Variants in ASB15 observed in about 807,000 individuals in gnomAD.
ASB15 encodes the protein ankyrin repeat and SOCS box protein 15.
A neutral mutation model predicts 58.0 loss-of-function variants in ASB15; 54 were observed. That is an observed-to-expected ratio of 0.93 (90% CI 0.75 to 1.17). The LOEUF (loss-of-function observed/expected upper bound fraction) is 1.17, where lower values mean the gene tolerates loss of function less well. Ranked by LOEUF, ASB15 falls within the 50% of genes most tolerant of loss-of-function variation. The pLI, the probability that ASB15 is intolerant of heterozygous loss-of-function variation, is 0.00. For missense variants in ASB15, 680 were observed against 707.4 expected (o/e 0.96, Z 0.44); for synonymous variants, 249 against 262.4 (o/e 0.95, Z 0.50).
chr7:123,583,427 CAG>C (rs1799289180), intron 1 of ASB15, among the ~76,000 whole-genome samples: 1 of 151,856 alleles, frequency 6.6e-6, no homozygotes, highest in African/African-American at 2.4e-5. Flanking sequence ...TCTTCTCTGA[CAG>C]TGGGTAATAC....
At chr7:123,606,276 T>C (rs904470232) in intron 2 of ASB15, among the ~76,000 whole-genome samples, 4 of 152,198 alleles carry the variant, frequency 2.6e-5, no homozygotes, top group Non-Finnish European at 5.9e-5. Flanking sequence ...TTCAAATTTC[T>C]GCTCCTTCCC....
intron 1 of ASB15, among the ~76,000 whole-genome samples, chr7:123,570,029 C>CTTTTTTTTTTTTT (rs5887142): frequency 1.1e-5 from 1 of 88,176 alleles, no homozygotes; most frequent in Non-Finnish European, 2.1e-5. Context: ...ACTGCCATAG[C>CTTTTTTTTTTTTT]TTTTTTTTTT....
chr7:123,621,878 A>C (rs1801351871), intron 7 of ASB15, among the ~76,000 whole-genome samples: 1 of 152,160 alleles, frequency 6.6e-6, no homozygotes. Flanking sequence ...TTGGATAGGC[A>C]CAAGCTGATC....
At chr7:123,635,321 T>C (rs1271893281) in intron 11 of ASB15, among the ~76,000 whole-genome samples, 5 of 152,178 alleles carry the variant, frequency 3.3e-5, no homozygotes, top group Non-Finnish European at 5.9e-5. Flanking sequence ...CTTACATAAC[T>C]TATGAAACTA....
At chr7:123,602,570 GA>G (rs1171787995) in intron 1 of ASB15, among the ~76,000 whole-genome samples, 17 of 152,126 alleles carry the variant, frequency 1.1e-4, no homozygotes, top group African/African-American at 4.1e-4. Context: ...ATGTGGACAA[GA>G]AAAATCTTAT....
chr7:123,585,344 C>A (rs1479158237), intron 1 of ASB15, among the ~76,000 whole-genome samples: 2 of 151,502 alleles, frequency 1.3e-5, no homozygotes, highest in Non-Finnish European at 2.9e-5. Context: ...AACTTCCTCC[C>A]CCTATTCCCT....
Position 123,630,609 on chromosome 7 carries a change from G to T in ASB15, c.1594+490G>T, listed in dbSNP as rs1802069407. Among the ~76,000 whole-genome samples the T allele has an allele frequency of 2.0e-5, 3 of 152,004 alleles. No homozygotes were observed. The South Asian group carries it at 6.2e-4, about 32-fold the overall frequency. On this transcript the variant is annotated intron_variant, in intron 11 of 11. Transcript: ENST00000451215. Reference sequence around the variant, plus strand: ...ATCAAAGGTTAGTATTTGTAGACAGGCCATTTTGTCTTTTCTAGGTGAAAG... The same window carrying T: ...ATCAAAGGTTAGTATTTGTAGACAGTCCATTTTGTCTTTTCTAGGTGAAAG...
chr7:123,609,909 T>A (rs1800350022), intron 3 of ASB15, among the ~76,000 whole-genome samples: 1 of 152,206 alleles, frequency 6.6e-6, no homozygotes, highest in South Asian at 2.1e-4. Context: ...CTCCTCACCA[T>A]TTCAGTCAGG....
rs1283713802 is a variant in ASB15 at position 123,638,324 on chromosome 7, T to G, written c.*1343T>G. On this transcript the variant is annotated 3_prime_UTR_variant, in exon 12 of 12. Coordinates refer to ENST00000451215, the MANE Select transcript of ASB15 (RefSeq NM_001290258.2). ...CTTCTTCTTTAGCCTCATCTCTGGA[T>G]GTCTACCTTTCCTCCTTTCCCTTGA... 1 of 152,214 alleles carries G rather than the reference T, an allele frequency of 6.6e-6. No homozygotes were observed. 9.4% of individuals were successfully genotyped at this position (152,214 alleles called of 1,614,324 possible).
chr7:123,605,963 T>C (rs1235922405), intron 2 of ASB15, among the ~76,000 whole-genome samples: 1 of 152,112 alleles, frequency 6.6e-6, no homozygotes, highest in Non-Finnish European at 1.5e-5. Context: ...TTTACCTATA[T>C]AACAAACGTT....
chr7:123,586,614 CA>C (rs1470632431), intron 1 of ASB15, among the ~76,000 whole-genome samples: 1 of 151,594 alleles, frequency 6.6e-6, no homozygotes, highest in Non-Finnish European at 1.5e-5. Flanking sequence ...GTGTCATATC[CA>C]AAAAATTATT....
chr7:123,581,816 T>C (rs1253279022), intron 1 of ASB15, among the ~76,000 whole-genome samples: 2 of 151,936 alleles, frequency 1.3e-5, no homozygotes, highest in Non-Finnish European at 2.9e-5. Flanking sequence ...TTTTTGTCAC[T>C]CCCAAGACTG....
At chr7:123,613,443 C>T (rs1029805258) in intron 3 of ASB15, among the ~76,000 whole-genome samples, 4 of 152,076 alleles carry the variant, frequency 2.6e-5, no homozygotes, top group Non-Finnish European at 5.9e-5. Flanking sequence ...TACTAAATGT[C>T]CTCTCTAAAT....
At chr7:123,625,849 A>G (rs1342460039) in intron 8 of ASB15, among the ~76,000 whole-genome samples, 1 of 152,198 alleles carries the variant, frequency 6.6e-6, no homozygotes, top group Non-Finnish European at 1.5e-5. Context: ...CCTGTAGGAA[A>G]AAGACTAACA....
chr7:123,574,890 G>C (rs1363844526), intron 1 of ASB15, among the ~76,000 whole-genome samples: 1 of 151,784 alleles, frequency 6.6e-6, no homozygotes, highest in Non-Finnish European at 1.5e-5. Flanking sequence ...GACTTTACTG[G>C]ATCTACATCA....
intron 1 of ASB15, among the ~76,000 whole-genome samples, chr7:123,568,845 A>G (rs1798830149): frequency 6.6e-6 from 1 of 152,202 alleles, no homozygotes; most frequent in Admixed American, 6.5e-5. Flanking sequence ...ATAGAATGAG[A>G]AAATTAAGTA....
intron 1 of ASB15, among the ~76,000 whole-genome samples, chr7:123,595,185 A>G (rs1799660660): frequency 6.6e-6 from 1 of 152,194 alleles, no homozygotes. Context: ...CTGTTTAAAA[A>G]TAAGCCAGAT....
intron 7 of ASB15, chr7:123,620,189 T>C (rs944763669): frequency 7.2e-5 from 11 of 151,944 alleles, no homozygotes; most frequent in African/African-American, 2.7e-4. Flanking sequence ...CTTCCACTCA[T>C]GTCCCATTAG....
intron 11 of ASB15, among the ~76,000 whole-genome samples, chr7:123,636,135 G>A (rs1257010132): frequency 1.3e-5 from 2 of 152,028 alleles, no homozygotes; most frequent in Non-Finnish European, 2.9e-5. Context: ...ATATTAAGGG[G>A]CAGAGCTGGG....
Sources: gnomAD v4.1 joint callset for allele counts (sites outside exome capture counted in the v4.1 genomes callset) on GRCh38, gnomAD v4.1.1 for gene constraint, MANE v1.5 for transcripts, NCBI Gene and HGNC (gene_info 2026-07-23, HGNC 2026-07-21) for gene names.